The following GSDMA variants were observed in gnomAD, a reference collection of about 807,000 sequenced individuals.
GSDMA encodes the protein gasdermin-A.
GSDMA carries 55 observed loss-of-function variants against 54.3 expected under a neutral mutation model. The ratio of observed to expected loss-of-function variants is 1.01; its 90% CI spans 0.82 to 1.27. The LOEUF is 1.27. Among genes scored for constraint, GSDMA ranks in the 50% most tolerant of loss-of-function variants. The pLI is 0.00. For synonymous variants in GSDMA, 211 were observed against 224.7 expected, an observed-to-expected ratio of 0.94 and a Z score of 0.54; for missense variants, 542 against 542.6, an observed-to-expected ratio of 1.00 and a Z score of 0.01.
At position 39,969,869 on chromosome 17, in the gene GSDMA, G is replaced by C. The variant is rs115684331; in HGVS notation, c.393-613G>C. On this transcript the variant is annotated intron_variant, in intron 3 of 11. Transcript: ENST00000301659. ...TGAGACTCCGTCTCAAAAAAAAAAA[G>C]AATTTTTTTGATATATTTGCCAATG... Among the ~76,000 whole-genome samples, 1,003 of 141,314 alleles carry C rather than the reference G, an allele frequency of 7.1e-3. 18 individuals are homozygous for C. The highest frequency in any genetic ancestry group is 0.026 in the African/African-American group (971 of 37,332). 92.7% of individuals were successfully genotyped at this position (141,314 alleles called of 152,430 possible).
At chr17:39,965,553 A>C (rs1979606564) in intron 1 of GSDMA, 130 bp from the exon 2 acceptor site, 1 of 653,680 alleles carries the variant, frequency 1.5e-6, no homozygotes, top group East Asian at 2.7e-5. Flanking sequence ...GAGACAATCC[A>C]GGCATCTCTA....
At chr17:39,967,921 G>A (rs1010017037) in intron 3 of GSDMA, among the ~76,000 whole-genome samples, 1 of 151,848 alleles carries the variant, frequency 6.6e-6, no homozygotes, top group Non-Finnish European at 1.5e-5. Context: ...GCAGTGGCAC[G>A]ATCTCAGCTC....
intron 1 of GSDMA, among the ~76,000 whole-genome samples, chr17:39,965,035 A>C (rs1280167357): frequency 2.0e-5 from 3 of 151,718 alleles, no homozygotes; most frequent in Non-Finnish European, 4.4e-5. Flanking sequence ...TGGGAGGATC[A>C]ATTAAGCCTT....
chr17:39,968,226 G>C (rs1390067105), intron 3 of GSDMA, among the ~76,000 whole-genome samples: 1 of 151,444 alleles, frequency 6.6e-6, no homozygotes, highest in Non-Finnish European at 1.5e-5. Flanking sequence ...TATTAGTAGA[G>C]ATGGGGTTTC....
At position 39,972,599 on chromosome 17, in the gene GSDMA, A is replaced by G. The variant is rs1479111044; in HGVS notation, c.716A>G (p.Glu239Gly). The change falls in exon 7 of 12, where the codon GAG becomes GGG. Residue 239 changes from glutamate (E) to glycine (G), a missense_variant. Coordinates refer to ENST00000301659, the MANE Select transcript of GSDMA (RefSeq NM_178171.5). ...TTTCTGTCTTCAGAAAAGTCAGGAG[A>G]GGAGAAGGTCATCCGTAAGTGTTTC... ...QTFPPGEKSG[E>G]EKVILIQASD... is the part of the protein sequence containing the mutation. 1 of 1,612,920 alleles carries G rather than the reference A, an allele frequency of 6.2e-7. No homozygotes were observed. Among genetic ancestry groups the G allele is most frequent in the Non-Finnish European group, 8.5e-7 (1 of 1,179,480 alleles).
In GSDMA at chr17:39,972,113, C is replaced by T; in HGVS notation, c.656-16C>T. The T allele has an allele frequency of 1.5e-6, 2 of 1,326,174 alleles. No individual in the cohort carries two copies. The highest frequency in any genetic ancestry group is 2.2e-6 in the Non-Finnish European group (2 of 927,594). 82.2% of individuals were successfully genotyped at this position (1,326,174 alleles called of 1,614,324 possible). On this transcript the variant is annotated splice_polypyrimidine_tract_variant and intron_variant, in intron 5 of 11. Transcript: ENST00000301659. ...TGCTAAGTGTCCTCCCACCCTCCCT[C>T]CCTTGCCCTTCACAGATATTCCACA...
At chr17:39,966,629 C>G (rs11871317) in intron 3 of GSDMA, among the ~76,000 whole-genome samples, 192 bp downstream of exon 3, 50,429 of 151,966 alleles carry the variant, frequency 0.33, 9,267 homozygotes, top group African/African-American at 0.49. Context: ...TCACACCTCC[C>G]GCTGCTGCCA....
intron 8 of GSDMA, 80 bp downstream of exon 8, chr17:39,973,910 T>C (rs536716662): frequency 7.7e-7 from 1 of 1,298,448 alleles, no homozygotes; most frequent in African/African-American, 1.5e-5. Flanking sequence ...GGCGAAGTCA[T>C]TCTTTGTCAG....
chr17:39,967,564 C>G (rs771677602), intron 3 of GSDMA, among the ~76,000 whole-genome samples: 25 of 152,294 alleles, frequency 1.6e-4, no homozygotes, highest in Admixed American at 7.2e-4. Context: ...CAGGAAGATC[C>G]TGAAAATGTT....
intron 9 of GSDMA, 76 bp downstream of exon 9, chr17:39,974,503 A>G: frequency 6.9e-7 from 1 of 1,443,790 alleles, no homozygotes; most frequent in African/African-American, 1.4e-5. Flanking sequence ...CGGGTATTGC[A>G]GCAGGTAGGG....
chr17:39,970,753 T>C, intron 4 of GSDMA, 106 bp downstream of exon 4: 1 of 1,108,096 alleles, frequency 9.0e-7, no homozygotes, highest in East Asian at 3.4e-5. Context: ...TAGCTTTGCC[T>C]GATCAGCGCC....
rs1311132145 is a variant in GSDMA at position 39,974,932 on chromosome 17, G to A, written c.939G>A (p.Val313=). 1.2e-6 allele frequency: 2 copies of A among 1,611,604 alleles called. No individual in the cohort carries two copies. Among genetic ancestry groups the A allele is most frequent in the South Asian group, 1.1e-5 (1 of 90,684 alleles). Residue 313 remains valine, a synonymous_variant, in exon 10 of 12, where the codon GTG becomes GTA. Transcript: ENST00000301659. Reference sequence around the variant, plus strand: ...GGGCTCTAGACAAGGGACATGAAGTGACCCTGGAGGCACTCCCAAAAGATG... The same window carrying A: ...GGGCTCTAGACAAGGGACATGAAGTAACCCTGGAGGCACTCCCAAAAGATG... The part of the protein sequence containing the change: ...LEGALDKGHE[V]TLEALPKDVL...
chr17:39,976,798 T>A lies in GSDMA; in HGVS notation c.1096-18T>A, dbSNP rs1243462226. 1 of 1,611,662 alleles carries A rather than the reference T, an allele frequency of 6.2e-7. No homozygotes were observed. The highest frequency in any genetic ancestry group is 1.3e-5 in the African/African-American group (1 of 74,834). On this transcript the variant is annotated intron_variant, in intron 11 of 11. Transcript: ENST00000301659. ...GGTTTCCAGTTCTTTCTTTTCATGC[T>A]GTTTTGATTCCCTCCAGGTGGAGAG...
In GSDMA at chr17:39,971,518, T is replaced by A; in HGVS notation, c.559-6T>A. 1 of 1,609,008 alleles carries A rather than the reference T, an allele frequency of 6.2e-7. No homozygotes were observed. Among genetic ancestry groups the A allele is most frequent in the Non-Finnish European group, 8.5e-7 (1 of 1,175,438 alleles). On this transcript the variant is annotated splice_region_variant and splice_polypyrimidine_tract_variant and intron_variant, in intron 4 of 11. Coordinates refer to ENST00000301659, the MANE Select transcript of GSDMA (RefSeq NM_178171.5). The stretch of plus-strand genomic sequence containing the variant: ...AGATTCACAAATTCTCATTGTCTAA[T>A]TCTAGGGATCCATAAATCACAAGGA...
chr17:39,964,785 G>A (rs80204597), intron 1 of GSDMA, among the ~76,000 whole-genome samples: 11,171 of 151,978 alleles, frequency 0.074, 536 homozygotes, highest in South Asian at 0.17. Context: ...TCCGACTCTG[G>A]CTATTGCTAG....
At chr17:39,966,957 G>C (rs1979697206) in intron 3 of GSDMA, among the ~76,000 whole-genome samples, 1 of 151,324 alleles carries the variant, frequency 6.6e-6, no homozygotes, top group African/African-American at 2.4e-5. Flanking sequence ...ACAGCACAAA[G>C]GGTGTGGCAG....
chr17:39,965,320 G>T (rs2144783190), intron 1 of GSDMA, among the ~76,000 whole-genome samples: 1 of 150,824 alleles, frequency 6.6e-6, no homozygotes, highest in South Asian at 2.1e-4. Flanking sequence ...AATAAAGAAA[G>T]AAAGAAAGAA....
At chr17:39,966,160 C>G (rs2144784731) in intron 2 of GSDMA, 100 bp from the exon 3 acceptor site, 1 of 1,290,842 alleles carries the variant, frequency 7.7e-7, no homozygotes, top group African/African-American at 1.5e-5. Context: ...CTCCTGGGCT[C>G]AAGCAATCCT....
intron 2 of GSDMA, 135 bp downstream of exon 2, chr17:39,966,036 A>G (rs750628039): frequency 3.5e-6 from 3 of 863,350 alleles, no homozygotes; most frequent in Non-Finnish European, 5.3e-6. Context: ...CATCATCAGG[A>G]GCTGAGGAGG....
Sources: allele counts gnomAD v4.1 joint callset (sites outside exome capture counted in the v4.1 genomes callset), GRCh38; gene constraint gnomAD v4.1.1; transcripts MANE v1.5; gene names NCBI Gene and HGNC (gene_info 2026-07-23, HGNC 2026-07-21).